SERPINB7: variants seen among roughly 807,000 people sequenced by gnomAD.
SERPINB7 encodes serpin B7.
A neutral mutation model predicts 37.4 loss-of-function variants in SERPINB7; 31 were observed. That is an observed-to-expected ratio of 0.83 (90% CI 0.62 to 1.12). SERPINB7 has a LOEUF of 1.12. Ranked by LOEUF, SERPINB7 falls within the 50% of genes most tolerant of loss-of-function variation. The pLI is 0.00. For missense variants in SERPINB7, 521 were observed against 455.3 expected, an observed-to-expected ratio of 1.14 and a Z score of -1.31; for synonymous variants, 163 against 166.1, an observed-to-expected ratio of 0.98 and a Z score of 0.14.
intron 1 of SERPINB7, among the ~76,000 whole-genome samples, chr18:63,768,242 A>C: frequency 6.6e-6 from 1 of 150,816 alleles, no homozygotes; most frequent in East Asian, 2.0e-4. Flanking sequence ...GAAAGTATAG[A>C]TTATTGGTTT....
At chr18:63,773,273 A>G (rs756285602), upstream of SERPINB7, among the ~76,000 whole-genome samples, 1 of 152,118 alleles carries the variant, frequency 6.6e-6, no homozygotes, top group African/African-American at 2.4e-5. Flanking sequence ...CAATGTCTGG[A>G]ATTTGGACCA....
At chr18:63,797,386 A>G (rs1428857802) in intron 5 of SERPINB7, among the ~76,000 whole-genome samples, 1 of 152,148 alleles carries the variant, frequency 6.6e-6, no homozygotes, top group Non-Finnish European at 1.5e-5. Flanking sequence ...TTTAGCCATC[A>G]CCTGTTTCAT....
At chr18:63,793,312 T>A (rs1184368672) in intron 4 of SERPINB7, 35 bp downstream of exon 4, 1 of 1,082,198 alleles carries the variant, frequency 9.2e-7, no homozygotes, top group Non-Finnish European at 1.4e-6. Context: ...AGGACCTGAA[T>A]CTTGTTAAAT....
chr18:63,756,635 T>C (rs1055392417), intron 1 of SERPINB7, among the ~76,000 whole-genome samples: 1 of 152,192 alleles, frequency 6.6e-6, no homozygotes, highest in African/African-American at 2.4e-5. Context: ...GTTCCCACCT[T>C]CATGCTCGGC....
Position 63,782,529 on chromosome 18 carries a change from C to T in SERPINB7, c.157C>T (p.Gln53Ter), listed in dbSNP as rs199555021. Residue 53 changes from glutamine to a stop codon, truncating the protein, a stop_gained, in exon 2 of 8, where the codon CAG becomes TAG. Coordinates refer to ENST00000398019, the MANE Select transcript of SERPINB7 (RefSeq NM_003784.4). LOFTEE classifies it high-confidence loss of function. ...RLGAQDDSLSQIDKLLHVNTA... is the reference protein window; with the variant it reads ...RLGAQDDSLS Reference sequence around the variant, plus strand: ...GGGCGCTCAAGATGACTCCCTCTCTCAGATTGATAAGGTCAGTCTCAGCTT... The same window carrying T: ...GGGCGCTCAAGATGACTCCCTCTCTTAGATTGATAAGGTCAGTCTCAGCTT... The T allele has an allele frequency of 1.0e-4, 167 of 1,612,146 alleles. No homozygotes were observed. The highest frequency in any genetic ancestry group is 1.3e-4 in the Non-Finnish European group (151 of 1,179,114).
chr18:63,755,696 A>C (rs7244770), intron 1 of SERPINB7, among the ~76,000 whole-genome samples: 146,114 of 152,050 alleles, frequency 0.96, 70,484 homozygotes, highest in East Asian at 1. Context: ...AATTGGAGAC[A>C]AGCCTGGACA....
chr18:63,778,466 A>G (rs1369812797), intron 1 of SERPINB7, among the ~76,000 whole-genome samples: 1 of 152,084 alleles, frequency 6.6e-6, no homozygotes, highest in African/African-American at 2.4e-5. Flanking sequence ...ATAATGTGTC[A>G]TGAACTATAA....
Position 63,804,417 on chromosome 18 carries a change from G to A in SERPINB7, c.925G>A (p.Gly309Arg), listed in dbSNP as rs2144651478. ...TGATGAATCCAAAGCAGATCTCTCTGGGATTGCTTCGGGGGGTCGTCTGTA... is the reference window on the plus strand; with the variant it reads ...TGATGAATCCAAAGCAGATCTCTCTAGGATTGCTTCGGGGGGTCGTCTGTA... ...IFDESKADLS[G>R]IASGGRLYIS... The change falls in exon 8 of 8, where the codon GGG (glycine) becomes AGG (arginine). Residue 309 changes from glycine to arginine, a missense_variant. Transcript: ENST00000398019. 3 of 1,613,734 alleles carry A rather than the reference G, an allele frequency of 1.9e-6. 1 individual carries two copies. The East Asian group carries it at 6.7e-5, about 36-fold the overall frequency.
chr18:63,801,850 AG>A (rs1322500719), intron 7 of SERPINB7, among the ~76,000 whole-genome samples: 2 of 152,148 alleles, frequency 1.3e-5, no homozygotes, highest in African/African-American at 4.8e-5. Context: ...AGAGTCATTG[AG>A]GGGGTTACAA....
At chr18:63,794,329 CTT>C (rs1018319920) in intron 4 of SERPINB7, among the ~76,000 whole-genome samples, 141 of 152,068 alleles carry the variant, frequency 9.3e-4, no homozygotes, top group African/African-American at 3.1e-3. Flanking sequence ...CCACTGCTAT[CTT>C]TATTCCTTGC....
intron 1 of SERPINB7, among the ~76,000 whole-genome samples, chr18:63,765,909 T>A (rs1187302733): frequency 2.6e-5 from 4 of 152,116 alleles, no homozygotes; most frequent in Admixed American, 6.6e-5. Context: ...TAATTAGAAG[T>A]TTAGAGTTAG....
At chr18:63,753,299 C>A (rs2049102685) in intron 1 of SERPINB7, among the ~76,000 whole-genome samples, 1 of 152,146 alleles carries the variant, frequency 6.6e-6, no homozygotes, top group African/African-American at 2.4e-5. Flanking sequence ...CCAGGGTAAC[C>A]ACAGCCAATC....
intron 1 of SERPINB7, among the ~76,000 whole-genome samples, chr18:63,754,805 T>C (rs1043325388): frequency 6.6e-6 from 1 of 151,056 alleles, no homozygotes; most frequent in African/African-American, 2.4e-5. Flanking sequence ...TATTTCTAGA[T>C]CACGGACTTT....
Position 63,804,335 on chromosome 18 carries a change from A to G in SERPINB7, c.843A>G (p.Ile281Met). ...YVEVFFPQFK[I>M]EKNYEMKQYL... The stretch of plus-strand genomic sequence containing the variant: ...AGGTATTTTTTCCTCAGTTCAAGAT[A>G]GAGAAGAATTATGAAATGAAACAAT... Residue 281 changes from isoleucine (I) to methionine (M), a missense_variant, in exon 8 of 8, where the codon ATA (isoleucine) becomes ATG (methionine). By Grantham distance (10) the Ile-to-Met change is conservative. Coordinates refer to ENST00000398019, the MANE Select transcript of SERPINB7 (RefSeq NM_003784.4). 6.2e-7 allele frequency: 1 copy of G among 1,613,600 alleles called. No homozygotes were observed. Among genetic ancestry groups the G allele is most frequent in the Non-Finnish European group, 8.5e-7 (1 of 1,179,712 alleles).
At chr18:63,786,619 T>TCC (rs1295700993) in intron 2 of SERPINB7, among the ~76,000 whole-genome samples, 9 of 151,840 alleles carry the variant, frequency 5.9e-5, no homozygotes, top group African/African-American at 2.2e-4. Context: ...ATAGTATCTT[T>TCC]TTTTTTAAAA....
chr18:63,804,163 T>G, intron 7 of SERPINB7, 74 bp from the exon 8 acceptor site: 5 of 1,087,944 alleles, frequency 4.6e-6, no homozygotes. Context: ...TAGAAAACTA[T>G]GTATCTCTGT....
rs145049487 is a variant in SERPINB7 at position 63,781,931 on chromosome 18, T to C, written c.-18-424T>C. Among the ~76,000 whole-genome samples the C allele has an allele frequency of 1.4e-3, 209 of 152,374 alleles. 6 individuals are homozygous for C. The East Asian group carries it at 0.038, about 28-fold the overall frequency. ...TGGAAAGAATGGGTTAAAAATGATG[T>C]GTTAAACCTCAAAAATTTAACATTG... On this transcript the variant is annotated intron_variant, in intron 1 of 7. Coordinates refer to ENST00000398019, the MANE Select transcript of SERPINB7 (RefSeq NM_003784.4).
rs184454624 is a variant in SERPINB7 at position 63,796,466 on chromosome 18, A to G, written c.454+83A>G. On this transcript the variant is annotated intron_variant, in intron 5 of 7. Coordinates refer to ENST00000398019, the MANE Select transcript of SERPINB7 (RefSeq NM_003784.4). The stretch of plus-strand genomic sequence containing the variant: ...GGAACAAAAGCTGGGAGTCTTTTGT[A>G]CATACAAGGAACAGCTCCTCCTAGT... The G allele has an allele frequency of 2.3e-5, 17 of 743,460 alleles. No individual in the cohort carries two copies. In the Admixed American group the frequency reaches 3.1e-4, roughly 14 times the overall value. 46.1% of individuals were successfully genotyped at this position (743,460 alleles called of 1,614,324 possible).
chr18:63,791,406 G>T (rs906421047), intron 2 of SERPINB7, among the ~76,000 whole-genome samples: 2 of 152,066 alleles, frequency 1.3e-5, no homozygotes, highest in African/African-American at 4.8e-5. Flanking sequence ...AATAATCATT[G>T]GTGGGAAATG....
Sources: allele counts gnomAD v4.1 joint callset (sites outside exome capture counted in the v4.1 genomes callset), GRCh38; gene constraint gnomAD v4.1.1; transcripts MANE v1.5; gene names NCBI Gene and HGNC (gene_info 2026-07-23, HGNC 2026-07-21).